CASKIN1: variants seen among roughly 807,000 people sequenced by gnomAD.
The protein encoded by CASKIN1 is CASK interacting protein 1, also known as caskin-1.
In CASKIN1, 42 loss-of-function variants were observed where a neutral mutation model predicts 117.5. The ratio of observed to expected loss-of-function variants is 0.36; its 90% CI spans 0.28 to 0.46. CASKIN1 has a LOEUF of 0.46. Ranked by LOEUF, CASKIN1 falls within the 20% of genes least tolerant of loss-of-function variation. CASKIN1 has a pLI of 1.00. For synonymous variants in CASKIN1, 1,148 were observed against 961.7 expected (o/e 1.19, Z -3.59); for missense variants, 2,083 against 2,077.3 (o/e 1.00, Z -0.05).
Position 2,178,658 on chromosome 16 carries a change from G to C in CASKIN1, c.4200-12C>G, listed in dbSNP as rs1195728010. On this transcript the variant is annotated splice_polypyrimidine_tract_variant and intron_variant, in intron 19 of 19. Coordinates refer to ENST00000343516, the MANE Select transcript of CASKIN1 (RefSeq NM_020764.4). ...CCGCCGCCGAGTCGCTGCGGGGCGCGGGGCAAGGGGCGTGAGTGGGCGGGG... is the reference window on the plus strand; with the variant it reads ...CCGCCGCCGAGTCGCTGCGGGGCGCCGGGCAAGGGGCGTGAGTGGGCGGGG... The C allele has an allele frequency of 2.5e-6, 4 of 1,582,100 alleles. No homozygotes were observed. Among genetic ancestry groups the C allele is most frequent in the Non-Finnish European group, 3.4e-6 (4 of 1,171,536 alleles).
chr16:2,183,999 C>G, intron 14 of CASKIN1, 58 bp from the exon 15 acceptor site: 1 of 1,182,432 alleles, frequency 8.5e-7, no homozygotes, highest in South Asian at 1.5e-5. Context: ...CCTGCCACCA[C>G]AGTGCCGCCT....
chr16:2,184,353 G>A (rs2093177295), intron 14 of CASKIN1, among the ~76,000 whole-genome samples: 2 of 152,134 alleles, frequency 1.3e-5, no homozygotes, highest in Admixed American at 6.5e-5. Context: ...TGTGCCCACA[G>A]GCAGGGGCAC....
In CASKIN1 at chr16:2,179,337, A is replaced by ACCAC; in HGVS notation, c.3776-16_3776-13dup. 3 of 1,284,946 alleles carry ACCAC rather than the reference A, an allele frequency of 2.3e-6. No individual in the cohort carries two copies. Among genetic ancestry groups the ACCAC allele is most frequent in the Non-Finnish European group, 2.9e-6 (3 of 1,020,304 alleles). The allele number at this position is 1,284,946 out of a possible 1,614,324, so 79.6% of individuals were successfully genotyped here. A position where few individuals can be genotyped will look rare whatever the true frequency, so the allele number is the denominator to read the frequency against. ...GGCGCGCTTCACCTCTGCGGGGAGG[A>ACCAC]CCACGCTGGCACCGAGCGGGCACGA... On this transcript the variant is annotated splice_polypyrimidine_tract_variant and intron_variant, in intron 18 of 19. Coordinates refer to ENST00000343516, the MANE Select transcript of CASKIN1 (RefSeq NM_020764.4). The surrounding 1 kb of genome is among the most constrained non-coding windows in gnomAD (Gnocchi z 5.8).
rs377675345 is a variant in CASKIN1 at position 2,183,888 on chromosome 16, G to A, written c.1470C>T (p.Ala490=). ...CGTAGCCGGCGCTGATGAAGTTGGG[G>A]GCGTAGAGCTGCAGCTGGAACGCGG... ...WLTAFQLQLY[A]PNFISAGYDL... Residue 490 remains alanine, a synonymous_variant, in exon 15 of 20, where the codon GCC becomes GCT. Transcript: ENST00000343516. 1.9e-6 allele frequency: 3 copies of A among 1,611,872 alleles called. No individual in the cohort carries two copies. The highest frequency in any genetic ancestry group is 2.2e-5 in the South Asian group (2 of 91,046).
At chr16:2,195,736 C>T (rs2093213792) in intron 1 of CASKIN1, among the ~76,000 whole-genome samples, 1 of 152,196 alleles carries the variant, frequency 6.6e-6, no homozygotes. Context: ...GCCGGCCCTG[C>T]CTGGAGTCCA....
intron 16 of CASKIN1, among the ~76,000 whole-genome samples, chr16:2,183,397 G>A (rs934853071): frequency 3.3e-5 from 5 of 152,178 alleles, no homozygotes; most frequent in African/African-American, 9.7e-5. Flanking sequence ...GAGCATGGAC[G>A]TGGGGAGGGG....
At chr16:2,193,165 G>A (rs1321528470) in intron 1 of CASKIN1, among the ~76,000 whole-genome samples, 1 of 152,014 alleles carries the variant, frequency 6.6e-6, no homozygotes, top group East Asian at 1.9e-4. Context: ...TTACAGGCAC[G>A]CACCACCACT....
In CASKIN1 at chr16:2,183,681, G is replaced by A. The variant is rs765668353; in HGVS notation, c.1594C>T (p.Leu532=). Reference sequence around the variant, plus strand: ...TCAGGCAGCCAGTCAGGGATGCTTAGGCCGCTGATCTCTGCCGCGATCTTC... The same window carrying A: ...TCAGGCAGCCAGTCAGGGATGCTTAAGCCGCTGATCTCTGCCGCGATCTTC... The part of the protein sequence containing the change: ...RKKIAAEISG[L]SIPDWLPEHK... The change falls in exon 16 of 20, where the codon CTA becomes TTA. Residue 532 remains leucine, a synonymous_variant. Coordinates refer to ENST00000343516, the MANE Select transcript of CASKIN1 (RefSeq NM_020764.4). 4 of 1,613,344 alleles carry A rather than the reference G, an allele frequency of 2.5e-6. No homozygotes were observed. The South Asian group carries it at 4.4e-5, about 18-fold the overall frequency.
In CASKIN1 at chr16:2,196,426, TCC is replaced by T. The variant is rs1567265741; in HGVS notation, c.5_6del (p.Gly2GlufsTer111). The T allele has an allele frequency of 7.7e-7, 1 of 1,296,674 alleles. No individual in the cohort carries two copies. The highest frequency in any genetic ancestry group is 9.9e-7 in the Non-Finnish European group (1 of 1,008,002). The allele number at this position is 1,296,674 out of a possible 1,614,324, so 80.3% of individuals were successfully genotyped here. On this transcript the variant is annotated frameshift_variant, in exon 1 of 20. Coordinates refer to ENST00000343516, the MANE Select transcript of CASKIN1 (RefSeq NM_020764.4). LOFTEE classifies it high-confidence loss of function. The surrounding 1 kb of genome is among the most constrained non-coding windows in gnomAD (Gnocchi z 5.7). M[G>X]KEQELVQAVK... ...ACCGCCTGCACCAGCTCCTGCTCCT[TCC>T]CCATGGCGCGGCCGGGGCCGCAGCG...
At position 2,179,308 on chromosome 16, in the gene CASKIN1, C is replaced by T. The variant is rs1053251728; in HGVS notation, c.3793G>A (p.Gly1265Ser). ...PGSPEVKRAHGTPPPVSPKPP... is the reference protein window; with the variant it reads ...PGSPEVKRAHSTPPPVSPKPP... The stretch of plus-strand genomic sequence containing the variant: ...TTGGGAGACACGGGCGGTGGCGTGC[C>T]GTGGGCGCGCTTCACCTCTGCGGGG... Residue 1265 changes from glycine to serine, a missense_variant, in exon 19 of 20, where the codon GGC becomes AGC. Physicochemically the swap from Gly to Ser is moderately conservative, Grantham distance 56. Transcript: ENST00000343516. This position sits in a 1 kb window ranked among gnomAD's most constrained non-coding sequence, Gnocchi z 5.8. 8.1e-6 allele frequency: 10 copies of T among 1,232,918 alleles called. No homozygotes were observed. Among genetic ancestry groups the T allele is most frequent in the Non-Finnish European group, 1.0e-5 (10 of 989,512 alleles). 76.4% of individuals were successfully genotyped at this position (1,232,918 alleles called of 1,614,324 possible). A position where few individuals can be genotyped will look rare whatever the true frequency, so the allele number is the denominator to read the frequency against.
chr16:2,178,940 C>T lies in CASKIN1; in HGVS notation c.4161G>A (p.Val1387=). Residue 1387 remains valine, a synonymous_variant, in exon 19 of 20, where the codon GTG becomes GTA. Transcript: ENST00000343516. ...CGTCCTCCTGCCGGATCTTCTCCTC[C>T]ACCGCCTGCAGCGCCGCGGCCAGGC... ...SACLAAALQA[V]EEKIRQEDAQ... is the part of the protein sequence containing the mutation. The T allele has an allele frequency of 6.7e-7, 1 of 1,494,660 alleles. No homozygotes were observed. 92.6% of individuals were successfully genotyped at this position (1,494,660 alleles called of 1,614,324 possible).
Position 2,187,160 on chromosome 16 carries a change from G to A in CASKIN1, c.835+6C>T, listed in dbSNP as rs2093187410. ...GCCACTGCCCCTCTGCCCTGCCTGG[G>A]CCCACCTCGCAACAGCTGCTTGATC... On this transcript the variant is annotated splice_donor_region_variant and intron_variant, in intron 8 of 19. Transcript: ENST00000343516. The A allele has an allele frequency of 1.2e-6, 2 of 1,613,640 alleles. No homozygotes were observed. Among genetic ancestry groups the A allele is most frequent in the African/African-American group, 1.3e-5 (1 of 74,926 alleles).
rs531753262 is a variant in CASKIN1 at position 2,178,452 on chromosome 16, C to G, written c.*98G>C. Reference sequence around the variant, plus strand: ...GAGTTGTGCTTCTGCAGGGCCCTGCCCGGCCGCTCGCGCCGCGCCCAGACG... The same window carrying G: ...GAGTTGTGCTTCTGCAGGGCCCTGCGCGGCCGCTCGCGCCGCGCCCAGACG... On this transcript the variant is annotated 3_prime_UTR_variant, in exon 20 of 20. Coordinates refer to ENST00000343516, the MANE Select transcript of CASKIN1 (RefSeq NM_020764.4). 1.3e-3 allele frequency: 1,269 copies of G among 971,742 alleles called. 14 individuals carry two copies. The African/African-American group carries it at 0.021, about 16-fold the overall frequency. The allele number at this position is 971,742 out of a possible 1,614,324, so 60.2% of individuals were successfully genotyped here. A position where few individuals can be genotyped will look rare whatever the true frequency, so the allele number is the denominator to read the frequency against.
chr16:2,195,233 G>A (rs2093212218), intron 1 of CASKIN1, among the ~76,000 whole-genome samples: 1 of 152,226 alleles, frequency 6.6e-6, no homozygotes, highest in Admixed American at 6.5e-5. Flanking sequence ...GTCATGGGCT[G>A]CTGGTGAAGT....
chr16:2,179,529 G>A lies in CASKIN1; in HGVS notation c.3775+64C>T. The A allele has an allele frequency of 4.3e-6, 6 of 1,401,056 alleles. No individual in the cohort carries two copies. The highest frequency in any genetic ancestry group is 4.6e-6 in the Non-Finnish European group (5 of 1,077,066). The allele number at this position is 1,401,056 out of a possible 1,614,324, so 86.8% of individuals were successfully genotyped here. A position where few individuals can be genotyped will look rare whatever the true frequency, so the allele number is the denominator to read the frequency against. The stretch of plus-strand genomic sequence containing the variant: ...AACCCAAGAAAAGGAAAACCCCTCA[G>A]ACCACCGAGTAAGGAGGTGGAGCAG... On this transcript the variant is annotated intron_variant, in intron 18 of 19. Transcript: ENST00000343516. The surrounding 1 kb of genome is among the most constrained non-coding windows in gnomAD (Gnocchi z 5.8).
At chr16:2,187,549 C>T in intron 6 of CASKIN1, 88 bp from the exon 7 acceptor site, 2 of 1,025,282 alleles carry the variant, frequency 2.0e-6, no homozygotes, top group Admixed American at 3.9e-5. Flanking sequence ...TTCCAGGTAC[C>T]CCAGCAGTCA....
intron 3 of CASKIN1, 148 bp downstream of exon 3, chr16:2,189,925 C>T (rs2093196392): frequency 1.3e-6 from 1 of 746,448 alleles, no homozygotes. Context: ...CCACCCCTGG[C>T]CTCCAGGACC....
At position 2,180,884 on chromosome 16, in the gene CASKIN1, C is replaced by T. The variant is rs762947901; in HGVS notation, c.2484G>A (p.Thr828=). ...GCAGCACGTAGGCAAAGCCGCGGTG[C>T]GTCGGTGACTGAGGCAGGGAGCGGG... ...MSPRSLPQSP[T]HRGFAYVLPQ... Residue 828 remains threonine, a synonymous_variant, in exon 18 of 20, where the codon ACG becomes ACA. Transcript: ENST00000343516. 27 of 1,431,254 alleles carry T rather than the reference C, an allele frequency of 1.9e-5. No individual in the cohort carries two copies. The East Asian group carries it at 5.9e-4, about 31-fold the overall frequency. The allele number at this position is 1,431,254 out of a possible 1,614,324, so 88.7% of individuals were successfully genotyped here. A position where few individuals can be genotyped will look rare whatever the true frequency, so the allele number is the denominator to read the frequency against.
intron 5 of CASKIN1, 38 bp from the exon 6 acceptor site, chr16:2,189,195 G>A (rs1372868962): frequency 6.2e-7 from 1 of 1,612,566 alleles, no homozygotes; most frequent in Non-Finnish European, 8.5e-7. Context: ...TCCTGATGTG[G>A]GGCTCCCCAG....
Sources: gnomAD v4.1 joint callset for allele counts (sites outside exome capture counted in the v4.1 genomes callset) on GRCh38, gnomAD v4.1.1 for gene constraint, Gnocchi (gnomAD v3.1) non-coding constraint, MANE v1.5 for transcripts, NCBI Gene and HGNC (gene_info 2026-07-23, HGNC 2026-07-21) for gene names.